Variants in ARHGEF7 observed in about 807,000 individuals in gnomAD.
ARHGEF7 encodes the protein PAK-interacting exchange factor beta.
ARHGEF7 carries 33 observed loss-of-function variants against 109.8 expected under a neutral mutation model. That is an observed-to-expected ratio of 0.30 (90% confidence interval 0.23 to 0.40). ARHGEF7 has a LOEUF of 0.40. Ranked by LOEUF, ARHGEF7 falls within the 10% of genes least tolerant of loss-of-function variation. ARHGEF7 has a pLI of 1.00. For missense variants in ARHGEF7, 938 were observed against 1,098.5 expected (o/e 0.85, Z 2.07); for synonymous variants, 458 against 424.6 (o/e 1.08, Z -0.97).
chr13:111,240,559 C>T (rs750364968), intron 6 of ARHGEF7, among the ~76,000 whole-genome samples: 2 of 152,162 alleles, frequency 1.3e-5, no homozygotes, highest in Non-Finnish European at 2.9e-5. Flanking sequence ...TCCTCCTTTC[C>T]GTGGAGTCAG....
At chr13:111,200,697 A>G (rs2081118554) in intron 2 of ARHGEF7, among the ~76,000 whole-genome samples, 1 of 152,248 alleles carries the variant, frequency 6.6e-6, no homozygotes, top group Non-Finnish European at 1.5e-5. Flanking sequence ...TGACAAGGTT[A>G]GTATTGATGT....
chr13:111,178,643 C>T (rs1292285915), intron 2 of ARHGEF7, among the ~76,000 whole-genome samples: 1 of 152,208 alleles, frequency 6.6e-6, no homozygotes, highest in East Asian at 1.9e-4. Context: ...TCCAGCTGGG[C>T]ATGGTGAGGA....
rs995165447 is a variant in ARHGEF7 at position 111,189,834 on chromosome 13, T to C, written c.253-15455T>C. On this transcript the variant is annotated intron_variant, in intron 2 of 21. Coordinates refer to ENST00000646102, the MANE Select transcript of ARHGEF7 (RefSeq NM_001354046.2). ...GTGCTGATTGGTGTGTTTACAGACT[T>C]TTAGCTAGACACAGAGTGCTTATTG... Among the ~76,000 whole-genome samples the C allele has an allele frequency of 1.8e-4, 28 of 151,454 alleles. 1 individual carries two copies. The highest frequency in any genetic ancestry group is 2.9e-5 in the Non-Finnish European group (2 of 68,030).
intron 18 of ARHGEF7, 36 bp downstream of exon 18, chr13:111,288,479 T>C (rs749768087): frequency 3.0e-5 from 45 of 1,523,074 alleles, no homozygotes; most frequent in Non-Finnish European, 4.1e-5. Context: ...AGTGTGGTGG[T>C]TTATTCTGTT....
chr13:111,230,701 G>A (rs2085924903), intron 5 of ARHGEF7, among the ~76,000 whole-genome samples: 3 of 152,098 alleles, frequency 2.0e-5, no homozygotes, highest in Admixed American at 2.0e-4. Context: ...GCAAGGGCAC[G>A]TTGTGGGTGG....
chr13:111,284,308 G>C (rs1039608777), intron 16 of ARHGEF7, among the ~76,000 whole-genome samples: 2 of 152,168 alleles, frequency 1.3e-5, no homozygotes, highest in South Asian at 2.1e-4. Flanking sequence ...CGGCAGCCCT[G>C]GGGGTTTTAA....
chr13:111,123,891 C>G (rs1444778852), intron 1 of ARHGEF7, among the ~76,000 whole-genome samples: 2 of 150,420 alleles, frequency 1.3e-5, no homozygotes, highest in African/African-American at 4.9e-5. Context: ...GCCCCCTGCC[C>G]CTGCGGCTGC....
intron 2 of ARHGEF7, among the ~76,000 whole-genome samples, chr13:111,192,404 G>T (rs1181268165): frequency 6.6e-6 from 1 of 152,198 alleles, no homozygotes; most frequent in African/African-American, 2.4e-5. Flanking sequence ...CTTCAGGTAG[G>T]ATTTTAAGGT....
intron 5 of ARHGEF7, among the ~76,000 whole-genome samples, chr13:111,222,110 C>T (rs1456533748): frequency 6.6e-6 from 1 of 152,094 alleles, no homozygotes; most frequent in Non-Finnish European, 1.5e-5. Flanking sequence ...AAATGTGAAT[C>T]TCCTTTAGCA....
chr13:111,195,650 C>T (rs958242984), intron 2 of ARHGEF7, among the ~76,000 whole-genome samples: 3 of 152,190 alleles, frequency 2.0e-5, no homozygotes, highest in African/African-American at 7.2e-5. Context: ...TGGTTGGGGG[C>T]TTCTGGCCCA....
At chr13:111,202,960 T>C in intron 2 of ARHGEF7, 1 of 585,186 alleles carries the variant, frequency 1.7e-6, no homozygotes, top group Non-Finnish European at 2.5e-6. Context: ...TAAACTCTGA[T>C]GTCATATTGA....
intron 8 of ARHGEF7, among the ~76,000 whole-genome samples, chr13:111,256,457 A>G (rs1381803399): frequency 6.6e-6 from 1 of 152,090 alleles, no homozygotes; most frequent in African/African-American, 2.4e-5. Flanking sequence ...GGGCTCCACC[A>G]TCCCTGGTCT....
chr13:111,143,667 T>G (rs929618027), intron 1 of ARHGEF7: 2 of 152,222 alleles, frequency 1.3e-5, no homozygotes, highest in African/African-American at 2.4e-5. Flanking sequence ...GAATCTGTAC[T>G]GCTCTCAGTT....
intron 2 of ARHGEF7, among the ~76,000 whole-genome samples, chr13:111,194,389 T>C (rs2080256400): frequency 6.6e-6 from 1 of 152,186 alleles, no homozygotes; most frequent in African/African-American, 2.4e-5. Flanking sequence ...GGCCTGGCTA[T>C]CTCGCTGTAT....
At chr13:111,302,110 C>T (rs781299931) in intron 21 of ARHGEF7, among the ~76,000 whole-genome samples, 10 of 152,260 alleles carry the variant, frequency 6.6e-5, no homozygotes, top group South Asian at 2.1e-4. Context: ...ACAAATCCTG[C>T]GAGGCGCCCC....
chr13:111,234,144 C>T (rs142148207), intron 6 of ARHGEF7, among the ~76,000 whole-genome samples: 3 of 152,166 alleles, frequency 2.0e-5, no homozygotes, highest in Non-Finnish European at 2.9e-5. Flanking sequence ...TATGAACCCA[C>T]GAGACCTTTG....
At chr13:111,292,077 C>CCCCT in intron 18 of ARHGEF7, 41 bp from the exon 19 acceptor site, 1 of 1,573,956 alleles carries the variant, frequency 6.4e-7, no homozygotes, top group Non-Finnish European at 8.7e-7. Flanking sequence ...TCCTCCTCAC[C>CCCCT]CCCTGCCTGT....
rs116225691 is a variant in ARHGEF7 at position 111,191,187 on chromosome 13, G to A, written c.253-14102G>A. 7.5e-3 allele frequency among the ~76,000 whole-genome samples: 1,141 copies of A among 152,254 alleles called. 15 individuals are homozygous for A. The highest frequency in any genetic ancestry group is 0.026 in the African/African-American group (1,075 of 41,534). On this transcript the variant is annotated intron_variant, in intron 2 of 21. Coordinates refer to ENST00000646102, the MANE Select transcript of ARHGEF7 (RefSeq NM_001354046.2). ...GGGGGCCCTGAGAAGTGGACAAGCCGTCCGCATGGAGCTGTTTGGGTGACT... is the reference window on the plus strand; with the variant it reads ...GGGGGCCCTGAGAAGTGGACAAGCCATCCGCATGGAGCTGTTTGGGTGACT...
In ARHGEF7 at chr13:111,273,492, T is replaced by C. The variant is rs146846089; in HGVS notation, c.1074-322T>C. 3.6e-4 allele frequency among the ~76,000 whole-genome samples: 55 copies of C among 152,368 alleles called. No individual in the cohort carries two copies. The highest frequency in any genetic ancestry group is 1.3e-3 in the African/African-American group (54 of 41,588). On this transcript the variant is annotated intron_variant, in intron 9 of 21. Transcript: ENST00000646102. This position sits in a 1 kb window ranked among gnomAD's most constrained non-coding sequence, Gnocchi z 4.5. ...AATCCATTCTGGCTCTGAGTGTGCA[T>C]GTTTCCATTGGATATGTCTGCATGG...
Sources: gnomAD v4.1 joint callset for allele counts (sites outside exome capture counted in the v4.1 genomes callset) on GRCh38, gnomAD v4.1.1 for gene constraint, Gnocchi (gnomAD v3.1) non-coding constraint, MANE v1.5 for transcripts, NCBI Gene and HGNC (gene_info 2026-07-23, HGNC 2026-07-21) for gene names.